Variants in CDH23 observed in about 807,000 individuals in gnomAD.
CDH23 encodes cadherin related 23.
In CDH23, 189 loss-of-function variants were observed where a neutral mutation model predicts 317.1. The ratio of observed to expected loss-of-function variants is 0.60; its 90% CI spans 0.53 to 0.67. The LOEUF is 0.67. Ranked by LOEUF, CDH23 falls within the 30% of genes least tolerant of loss-of-function variation. The pLI is 0.00. For synonymous variants in CDH23, 1,839 were observed against 1,876.8 expected (o/e 0.98, Z 0.52); for missense variants, 4,401 against 4,592.4 (o/e 0.96, Z 1.20).
intron 32 of CDH23, among the ~76,000 whole-genome samples, chr10:71,733,711 C>T (rs1331057159): frequency 6.6e-6 from 1 of 152,218 alleles, no homozygotes; most frequent in Non-Finnish European, 1.5e-5. Flanking sequence ...AATAGTTATT[C>T]TTAGCTAGTT....
At chr10:71,512,264 T>C (rs1854034674) in intron 6 of CDH23, 1 of 152,186 alleles carries the variant, frequency 6.6e-6, no homozygotes, top group African/African-American at 2.4e-5. Flanking sequence ...GTTACTGAGC[T>C]GCGAGCCAAC....
chr10:71,403,809 G>C (rs1017149044), intron 1 of CDH23, among the ~76,000 whole-genome samples: 4 of 151,908 alleles, frequency 2.6e-5, no homozygotes, highest in African/African-American at 7.3e-5. Flanking sequence ...TATTTAATGG[G>C]CCAGGCACAG....
rs528868893 is a variant in CDH23 at position 71,799,665 on chromosome 10, G to A, written c.7362+36G>A. On this transcript the variant is annotated intron_variant, in intron 52 of 69. Coordinates refer to ENST00000224721, the MANE Select transcript of CDH23 (RefSeq NM_022124.6). ...ATGGAGGGCCTGGAATTTGGAAGTG[G>A]GAAGGACCCAGGGTCAGAGACTGAG... The A allele has an allele frequency of 6.6e-5, 107 of 1,613,788 alleles. 3 individuals carry two copies. In the South Asian group the frequency reaches 1.2e-3, roughly 18 times the overall value.
At chr10:71,451,280 C>T (rs1434082188) in intron 3 of CDH23, among the ~76,000 whole-genome samples, 3 of 152,236 alleles carry the variant, frequency 2.0e-5, no homozygotes, top group Non-Finnish European at 4.4e-5. Context: ...CACGCTGCGG[C>T]CTTTTTTATC....
intron 37 of CDH23, 93 bp from the exon 38 acceptor site, chr10:71,741,601 G>A: frequency 9.5e-7 from 1 of 1,051,510 alleles, no homozygotes; most frequent in Non-Finnish European, 1.4e-6. Flanking sequence ...CTTTTGGGAG[G>A]TACAGGGGGA....
Position 71,815,499 on chromosome 10 carries a change from T to C in CDH23, c.*221T>C, listed in dbSNP as rs1842104908. The C allele has an allele frequency of 2.2e-6, 1 of 452,378 alleles. No individual in the cohort carries two copies. Among genetic ancestry groups the C allele is most frequent in the African/African-American group, 2.0e-5 (1 of 50,644 alleles). 28.0% of individuals were successfully genotyped at this position (452,378 alleles called of 1,614,324 possible). The stretch of plus-strand genomic sequence containing the variant: ...ACCTTCATAAGATCTGTTATTTTTA[T>C]AAGAAAACCAAACAAAAATGTTAAG... On this transcript the variant is annotated 3_prime_UTR_variant, in exon 70 of 70. Transcript: ENST00000224721.
Position 71,624,508 on chromosome 10 carries a change from G to A in CDH23, c.1134+7115G>A, listed in dbSNP as rs533659087. Reference sequence around the variant, plus strand: ...GCGTCTATCAGGATTAAATGGGTTCGTATCTGTATTTAGAACAGTGCCAAC... The same window carrying A: ...GCGTCTATCAGGATTAAATGGGTTCATATCTGTATTTAGAACAGTGCCAAC... On this transcript the variant is annotated intron_variant, in intron 11 of 69. Coordinates refer to ENST00000224721, the MANE Select transcript of CDH23 (RefSeq NM_022124.6). 6.6e-5 allele frequency among the ~76,000 whole-genome samples: 10 copies of A among 152,238 alleles called. No individual in the cohort carries two copies. In the South Asian group the frequency reaches 1.9e-3, roughly 28 times the overall value.
At chr10:71,729,450 AG>A (rs1314786179) in intron 30 of CDH23, among the ~76,000 whole-genome samples, 1 of 152,172 alleles carries the variant, frequency 6.6e-6, no homozygotes, top group Non-Finnish European at 1.5e-5. Flanking sequence ...TGCCCCAAAC[AG>A]GGCCAGGGAA....
At chr10:71,739,572 A>C in intron 35 of CDH23, 72 bp from the exon 36 acceptor site, 4 of 1,549,882 alleles carry the variant, frequency 2.6e-6, no homozygotes, top group Non-Finnish European at 3.5e-6. Context: ...AGGACCAGGG[A>C]GTCCCCCTTG....
chr10:71,427,187 G>GA (rs1241601281), intron 1 of CDH23, among the ~76,000 whole-genome samples: 208 of 14,092 alleles, frequency 0.015, 3 homozygotes, highest in Admixed American at 0.11. Flanking sequence ...AGGAAGGAAG[G>GA]AAGGAAAGAG....
At chr10:71,446,585 C>T (rs1296079181) in intron 3 of CDH23, among the ~76,000 whole-genome samples, 190 bp downstream of exon 3, 2 of 152,190 alleles carry the variant, frequency 1.3e-5, no homozygotes, top group East Asian at 1.9e-4. Context: ...GAGCTCTGAA[C>T]GTCAAAGGGT....
At chr10:71,540,887 A>T (rs1373006251) in intron 6 of CDH23, among the ~76,000 whole-genome samples, 2 of 151,924 alleles carry the variant, frequency 1.3e-5, no homozygotes, top group East Asian at 3.9e-4. Flanking sequence ...GGCCAGCTGC[A>T]CACTTTGGGT....
chr10:71,600,344 G>A (rs1021873214), intron 9 of CDH23, among the ~76,000 whole-genome samples: 4 of 151,854 alleles, frequency 2.6e-5, no homozygotes, highest in African/African-American at 9.7e-5. Flanking sequence ...TGATGCTTTA[G>A]GAGATAAGCT....
chr10:71,632,723 C>A (rs1352209169), intron 11 of CDH23, among the ~76,000 whole-genome samples: 1 of 152,126 alleles, frequency 6.6e-6, no homozygotes, highest in Non-Finnish European at 1.5e-5. Flanking sequence ...TAGCTCCTCA[C>A]CTGAACACCC....
intron 15 of CDH23, among the ~76,000 whole-genome samples, chr10:71,675,956 AGTGCAATG>A (rs1288982257): frequency 8.1e-6 from 1 of 123,770 alleles, no homozygotes; most frequent in African/African-American, 3.1e-5. Context: ...CCCAGGCTGT[AGTGCAATG>A]GTGCAATCTC....
At chr10:71,434,186 C>G (rs752566397) in intron 1 of CDH23, among the ~76,000 whole-genome samples, 10 of 152,232 alleles carry the variant, frequency 6.6e-5, no homozygotes, top group Non-Finnish European at 1.3e-4. Context: ...ATGGCCCACT[C>G]TCCTGCGAGT....
intron 7 of CDH23, among the ~76,000 whole-genome samples, chr10:71,569,052 C>T (rs1857597290): frequency 6.6e-6 from 1 of 152,238 alleles, no homozygotes; most frequent in Admixed American, 6.5e-5. Flanking sequence ...TTCCCCGCTC[C>T]AGCCCTGGGT....
At chr10:71,777,297 C>T (rs1044569801) in intron 38 of CDH23, among the ~76,000 whole-genome samples, 2 of 152,184 alleles carry the variant, frequency 1.3e-5, no homozygotes, top group Admixed American at 6.5e-5. Flanking sequence ...GACACAGGCC[C>T]TCGTAAAGCT....
At chr10:71,784,555 G>A in intron 42 of CDH23, 135 bp downstream of exon 42, 1 of 1,245,408 alleles carries the variant, frequency 8.0e-7, no homozygotes, top group Non-Finnish European at 1.1e-6. Flanking sequence ...CCTGCCCCTG[G>A]GGCCCTTAAT....
Sources: gnomAD v4.1 joint callset for allele counts (sites outside exome capture counted in the v4.1 genomes callset) on GRCh38, gnomAD v4.1.1 for gene constraint, MANE v1.5 for transcripts, NCBI Gene and HGNC (gene_info 2026-07-23, HGNC 2026-07-21) for gene names.